Variants in TBC1D19 observed in about 807,000 individuals in gnomAD.
TBC1D19 encodes the protein TBC1 domain family member 19, also known as TBC1 domain family, member 19.
Under a neutral mutation model 89.0 loss-of-function variants are expected in TBC1D19, and 60 were observed. The observed-to-expected ratio is 0.67, with a 90% confidence interval of 0.55 to 0.84. TBC1D19 has a LOEUF of 0.84. Ranked by LOEUF, TBC1D19 falls within the 40% of genes least tolerant of loss-of-function variation. The pLI is 0.00. For missense variants in TBC1D19, 500 were observed against 610.8 expected (o/e 0.82, Z 1.91); for synonymous variants, 189 against 199.7 (o/e 0.95, Z 0.45).
chr4:26,821,122 T>C, the TBC1D19 span, among the ~76,000 whole-genome samples: 1 of 152,242 alleles, frequency 6.6e-6, no homozygotes, highest in African/African-American at 2.4e-5. Flanking sequence ...GAAGAGCAGT[T>C]AGCAGTTCCA....
At chr4:26,653,631 C>T (rs944563810) in intron 7 of TBC1D19, among the ~76,000 whole-genome samples, 3 of 152,104 alleles carry the variant, frequency 2.0e-5, no homozygotes, top group Non-Finnish European at 2.9e-5. Context: ...TATGTAATGG[C>T]CTTCTTTGTC....
chr4:26,701,923 A>G (rs1715363946), intron 13 of TBC1D19, among the ~76,000 whole-genome samples: 1 of 152,208 alleles, frequency 6.6e-6, no homozygotes, highest in African/African-American at 2.4e-5. Flanking sequence ...GACTCATAGT[A>G]ATCTGTGACT....
chr4:26,773,769 G>A, the TBC1D19 span, among the ~76,000 whole-genome samples: 1 of 152,148 alleles, frequency 6.6e-6, no homozygotes, highest in Non-Finnish European at 1.5e-5. Context: ...AAGATCAGAT[G>A]GTTTGTAGGT....
At chr4:26,653,471 G>A (rs995320858) in intron 7 of TBC1D19, among the ~76,000 whole-genome samples, 2 of 152,012 alleles carry the variant, frequency 1.3e-5, no homozygotes, top group East Asian at 3.8e-4. Context: ...TTGACAGTGG[G>A]GTGTTAAAGT....
At chr4:26,626,215 C>T (rs992580766) in intron 4 of TBC1D19, among the ~76,000 whole-genome samples, 7 of 152,066 alleles carry the variant, frequency 4.6e-5, no homozygotes, top group Non-Finnish European at 8.8e-5. Flanking sequence ...TGGAGAAGTT[C>T]TGCAGGAAAG....
chr4:26,749,851 T>G (rs1578017413), intron 19 of TBC1D19, among the ~76,000 whole-genome samples: 1 of 152,218 alleles, frequency 6.6e-6, no homozygotes, highest in Non-Finnish European at 1.5e-5. Context: ...CACTGATTAA[T>G]GTTTTTAGCA....
the TBC1D19 span, among the ~76,000 whole-genome samples, chr4:26,792,690 A>G: frequency 0.017 from 2,621 of 152,298 alleles, 81 homozygotes; most frequent in African/African-American, 0.06. Context: ...GTTTTAATTT[A>G]TAAGTACTCT....
the TBC1D19 span, among the ~76,000 whole-genome samples, chr4:26,788,480 C>T: frequency 6.6e-6 from 1 of 152,176 alleles, no homozygotes; most frequent in East Asian, 1.9e-4. Context: ...CTAAGATCCT[C>T]TCTCTATGTT....
At chr4:26,669,909 AG>A (rs1363175269) in intron 9 of TBC1D19, among the ~76,000 whole-genome samples, 1 of 151,774 alleles carries the variant, frequency 6.6e-6, no homozygotes, top group Non-Finnish European at 1.5e-5. Context: ...TCCTTAGTCA[AG>A]GAGGATGAAA....
At chr4:26,694,147 G>A in intron 13 of TBC1D19, among the ~76,000 whole-genome samples, 1 of 152,108 alleles carries the variant, frequency 6.6e-6, no homozygotes, top group East Asian at 1.9e-4. Flanking sequence ...CCCTTTTCTA[G>A]CCAAGAGAAG....
the TBC1D19 span, among the ~76,000 whole-genome samples, chr4:26,769,828 A>G: frequency 6.6e-6 from 1 of 152,120 alleles, no homozygotes; most frequent in Non-Finnish European, 1.5e-5. Flanking sequence ...GATTACAGGC[A>G]TGAGACACCA....
the TBC1D19 span, among the ~76,000 whole-genome samples, chr4:26,800,658 C>T: frequency 4.7e-4 from 72 of 152,356 alleles, no homozygotes; most frequent in Non-Finnish European, 3.2e-4. Context: ...CACATCCTCT[C>T]CAGCACCTGT....
chr4:26,651,767 G>A (rs1744405113), intron 7 of TBC1D19, among the ~76,000 whole-genome samples: 1 of 152,174 alleles, frequency 6.6e-6, no homozygotes. Context: ...GGAGTGGTGA[G>A]AGAGGGCATC....
At chr4:26,624,592 A>G (rs1449620296) in intron 4 of TBC1D19, among the ~76,000 whole-genome samples, 2 of 152,150 alleles carry the variant, frequency 1.3e-5, no homozygotes, top group Non-Finnish European at 2.9e-5. Flanking sequence ...ACATTTTTAC[A>G]TAACTGCTGC....
the TBC1D19 span, among the ~76,000 whole-genome samples, chr4:26,840,329 G>C: frequency 6.6e-6 from 1 of 151,686 alleles, no homozygotes; most frequent in East Asian, 1.9e-4. Context: ...CAATCTGCCT[G>C]CCTTGGCCTC....
chr4:26,614,528 G>A, intron 3 of TBC1D19, 75 bp downstream of exon 3: 1 of 925,450 alleles, frequency 1.1e-6, no homozygotes, highest in Non-Finnish European at 1.6e-6. Context: ...AACCAGTATT[G>A]TTATATATAC....
intron 1 of TBC1D19, among the ~76,000 whole-genome samples, chr4:26,609,583 T>C (rs532688983): frequency 2.6e-5 from 4 of 152,072 alleles, no homozygotes; most frequent in African/African-American, 9.6e-5. Flanking sequence ...GGCTAGGGTG[T>C]GTGGGGAGGA....
intron 1 of TBC1D19, among the ~76,000 whole-genome samples, chr4:26,605,038 CTTTT>C (rs777271873): frequency 8.2e-4 from 124 of 151,812 alleles, no homozygotes; most frequent in Non-Finnish European, 1.5e-3. Context: ...AACTACCATT[CTTTT>C]TTTATTTTTA....
At chr4:26,820,068 T>G in the TBC1D19 span, among the ~76,000 whole-genome samples, 12 of 152,202 alleles carry the variant, frequency 7.9e-5, no homozygotes, top group Non-Finnish European at 1.5e-4. Flanking sequence ...TACATATAAT[T>G]GTGGGGTACA....
Sources: gnomAD v4.1 joint callset for allele counts (sites outside exome capture counted in the v4.1 genomes callset) on GRCh38, gnomAD v4.1.1 for gene constraint, MANE v1.5 for transcripts, NCBI Gene and HGNC (gene_info 2026-07-23, HGNC 2026-07-21) for gene names.